The following MAP3K15 variants were observed in gnomAD, a reference collection of about 807,000 sequenced individuals.
MAP3K15 encodes MAPK/ERK kinase kinase 15.
A neutral mutation model predicts 99.5 loss-of-function variants in MAP3K15; 124 were observed. That is an observed-to-expected ratio of 1.25 (90% CI 1.08 to 1.45). The LOEUF is 1.45. Among genes scored for constraint, MAP3K15 ranks in the 40% most tolerant of loss-of-function variants. The pLI is 0.00. For missense variants in MAP3K15, 1,242 were observed against 1,079.7 expected, an observed-to-expected ratio of 1.15 and a Z score of -2.11; for synonymous variants, 494 against 439.6, an observed-to-expected ratio of 1.12 and a Z score of -1.55.
chrX:19,439,603 A>G (rs2063945608), intron 6 of MAP3K15, among the ~76,000 whole-genome samples: 1 of 111,110 alleles, frequency 9.0e-6, no homozygotes, highest in Non-Finnish European at 1.9e-5. Context: ...AGTAGCTGGG[A>G]CTATAGGCGT....
chrX:19,459,609 G>T (rs1439920948), intron 5 of MAP3K15, among the ~76,000 whole-genome samples: 2 of 112,437 alleles, frequency 1.8e-5, no homozygotes, highest in Admixed American at 9.4e-5. Flanking sequence ...CAGCACTTTG[G>T]GAGGCCGAGG....
chrX:19,371,787 T>G (rs1301909621), intron 22 of MAP3K15, among the ~76,000 whole-genome samples: 1 of 110,740 alleles, frequency 9.0e-6, no homozygotes, highest in Admixed American at 9.7e-5. Context: ...GCCATAGACA[T>G]AGTTCAGAGC....
At position 19,414,364 on chromosome X, in the gene MAP3K15, C is replaced by T. The variant is rs147442377; in HGVS notation, c.1590+743G>A. On this transcript the variant is annotated intron_variant, in intron 10 of 28. Transcript: ENST00000338883. ...AAAGATTTTAAAATGTATTATTAAC[C>T]GGCAACAAAATAATTATCATAATCA... 3.2e-4 allele frequency: 72 copies of T among 227,018 alleles called. No homozygotes were observed. The East Asian group carries it at 0.01, about 33-fold the overall frequency. The allele number at this position is 227,018 out of a possible 1,213,427, so 18.7% of individuals were successfully genotyped here.
chrX:19,498,676 G>C (rs2064422849), intron 1 of MAP3K15, among the ~76,000 whole-genome samples: 1 of 112,013 alleles, frequency 8.9e-6, no homozygotes, highest in African/African-American at 3.2e-5. Flanking sequence ...AGGCAGTAGT[G>C]GTCCTGCCTT....
chrX:19,413,661 T>C (rs776599526), intron 10 of MAP3K15, among the ~76,000 whole-genome samples, 197 bp from the exon 11 acceptor site: 3 of 58,357 alleles, frequency 5.1e-5, no homozygotes, highest in Non-Finnish European at 8.4e-5. Context: ...GGACAACATA[T>C]TGAGATGCCA....
At chrX:19,479,634 C>T (rs896758425) in intron 3 of MAP3K15, among the ~76,000 whole-genome samples, 2 of 112,203 alleles carry the variant, frequency 1.8e-5, no homozygotes, top group Non-Finnish European at 3.8e-5. Context: ...CTACGCAATG[C>T]CTATGGACTA....
intron 9 of MAP3K15, among the ~76,000 whole-genome samples, chrX:19,423,210 T>C (rs886772278): frequency 3.6e-5 from 4 of 110,591 alleles, no homozygotes; most frequent in Non-Finnish European, 7.6e-5. Flanking sequence ...AAAAAAGAAC[T>C]ATAGTACTGT....
chrX:19,398,656 A>G (rs1465020999), intron 14 of MAP3K15, among the ~76,000 whole-genome samples: 1 of 112,049 alleles, frequency 8.9e-6, no homozygotes, highest in Non-Finnish European at 1.9e-5. Context: ...TAACGCTGCA[A>G]TTTAAAACTG....
chrX:19,487,956 G>C (rs1480766955), intron 2 of MAP3K15, among the ~76,000 whole-genome samples: 1 of 110,330 alleles, frequency 9.1e-6, no homozygotes, highest in Non-Finnish European at 1.9e-5. Context: ...TCCGTGCCTT[G>C]GTCCCAACCC....
At chrX:19,374,683 C>T (rs781200573) in intron 19 of MAP3K15, 23 bp from the exon 20 acceptor site, 15 of 1,187,547 alleles carry the variant, frequency 1.3e-5, no homozygotes, top group Admixed American at 2.2e-5. Flanking sequence ...GAGAGGTAAC[C>T]GATGTGTCAG....
chrX:19,375,651 T>C (rs1329407024), intron 19 of MAP3K15, among the ~76,000 whole-genome samples: 1 of 112,506 alleles, frequency 8.9e-6, no homozygotes, highest in Non-Finnish European at 1.9e-5. Flanking sequence ...GAAGCTGTTC[T>C]GTCCTCCAGA....
chrX:19,428,450 C>T (rs1347162434), intron 7 of MAP3K15, among the ~76,000 whole-genome samples: 3 of 111,306 alleles, frequency 2.7e-5, no homozygotes, highest in African/African-American at 9.8e-5. Flanking sequence ...CTCCTCTCCA[C>T]CACATGGTGC....
At chrX:19,409,794 G>A (rs993058793) in intron 12 of MAP3K15, 130 bp downstream of exon 12, 3 of 515,143 alleles carry the variant, frequency 5.8e-6, no homozygotes, top group Non-Finnish European at 6.4e-6. Context: ...CAACATAATA[G>A]AGAGTCCACT....
intron 1 of MAP3K15, among the ~76,000 whole-genome samples, chrX:19,509,609 T>C (rs747228039): frequency 1.8e-5 from 2 of 111,716 alleles, no homozygotes; most frequent in South Asian, 7.4e-4. Context: ...TAGAGGGAAA[T>C]GTATAGCACT....
At chrX:19,395,541 GC>G (rs200270496) in intron 15 of MAP3K15, among the ~76,000 whole-genome samples, 1,170 of 111,376 alleles carry the variant, frequency 0.011, 17 homozygotes, top group African/African-American at 0.037. Flanking sequence ...TCTCTCAACA[GC>G]CCCTCTTCCT....
chrX:19,399,763 A>AC (rs2147258944), intron 14 of MAP3K15, among the ~76,000 whole-genome samples: 1 of 107,132 alleles, frequency 9.3e-6, no homozygotes, highest in East Asian at 2.9e-4. Context: ...AAAAAAAAAA[A>AC]AAACATGGTT....
At position 19,508,848 on chromosome X, in the gene MAP3K15, C is replaced by T. The variant is rs1175492280; in HGVS notation, c.361+6053G>A. ...GCAGTGTGCCAAGATCGTGCCACTGCACTCTAGACTGGGCAACAGAGTGAG... is the reference window on the plus strand; with the variant it reads ...GCAGTGTGCCAAGATCGTGCCACTGTACTCTAGACTGGGCAACAGAGTGAG... On this transcript the variant is annotated intron_variant, in intron 1 of 28. Transcript: ENST00000338883. Among the ~76,000 whole-genome samples the T allele has an allele frequency of 9.0e-5, 10 of 111,411 alleles. No homozygotes were observed. The East Asian group carries it at 2.8e-3, about 31-fold the overall frequency.
At chrX:19,466,042 C>T (rs758937921) in intron 3 of MAP3K15, among the ~76,000 whole-genome samples, 111 of 110,575 alleles carry the variant, frequency 1.0e-3, no homozygotes, top group African/African-American at 3.2e-3. Flanking sequence ...CAGTCTCAAA[C>T]TCCTGGGCTC....
chrX:19,448,248 C>T (rs974633126), intron 6 of MAP3K15, among the ~76,000 whole-genome samples: 1 of 109,097 alleles, frequency 9.2e-6, no homozygotes, highest in African/African-American at 3.3e-5. Flanking sequence ...CAAGCGGAGG[C>T]CCTGGTAGCA....
Sources: gnomAD v4.1 joint callset for allele counts (sites outside exome capture counted in the v4.1 genomes callset) on GRCh38, gnomAD v4.1.1 for gene constraint, MANE v1.5 for transcripts, NCBI Gene and HGNC (gene_info 2026-07-23, HGNC 2026-07-21) for gene names.